Variants in CD48 observed in about 807,000 individuals in gnomAD.
CD48 encodes the protein CD48 molecule.
CD48 carries 20 observed loss-of-function variants against 22.0 expected under a neutral mutation model. That is an observed-to-expected ratio of 0.91 (90% confidence interval 0.64 to 1.32). CD48 has a LOEUF of 1.32. Ranked by LOEUF, CD48 falls within the 40% of genes most tolerant of loss-of-function variation. The pLI, the probability that CD48 is intolerant of heterozygous loss-of-function variation, is 0.00. For synonymous variants in CD48, 110 were observed against 110.1 expected, an observed-to-expected ratio of 1.00 and a Z score of 0.01; for missense variants, 307 against 286.5, an observed-to-expected ratio of 1.07 and a Z score of -0.52.
At chr1:160,705,182 G>T (rs1432862814) in intron 1 of CD48, among the ~76,000 whole-genome samples, 1 of 152,140 alleles carries the variant, frequency 6.6e-6, no homozygotes, top group South Asian at 2.1e-4. Flanking sequence ...TGTTCATTCA[G>T]CCTTCCAACC....
chr1:160,710,409 C>T (rs770976226), intron 1 of CD48, among the ~76,000 whole-genome samples: 7 of 152,114 alleles, frequency 4.6e-5, no homozygotes, highest in Non-Finnish European at 5.9e-5. Flanking sequence ...GGTGTTATAA[C>T]CCAGGTTTAC....
intron 1 of CD48, among the ~76,000 whole-genome samples, chr1:160,697,592 A>G (rs1284454391): frequency 6.6e-6 from 1 of 152,294 alleles, no homozygotes; most frequent in Non-Finnish European, 1.5e-5. Flanking sequence ...GGTAAGCGGG[A>G]TGTCACTCAG....
At chr1:160,706,602 T>C (rs1467660223) in intron 1 of CD48, among the ~76,000 whole-genome samples, 4 of 152,238 alleles carry the variant, frequency 2.6e-5, no homozygotes, top group African/African-American at 7.2e-5. Context: ...TTTAAAAAAC[T>C]ACTATTTTGA....
chr1:160,704,827 C>T (rs574005188), intron 1 of CD48, among the ~76,000 whole-genome samples: 50 of 151,660 alleles, frequency 3.3e-4, no homozygotes, highest in African/African-American at 1.1e-3. Flanking sequence ...TTATATAAGC[C>T]TCAGGTCATT....
At chr1:160,702,887 G>C (rs1662678903) in intron 1 of CD48, among the ~76,000 whole-genome samples, 1 of 152,162 alleles carries the variant, frequency 6.6e-6, no homozygotes, top group African/African-American at 2.4e-5. Context: ...ACATATAAAG[G>C]AGAATGCCTT....
rs1370451278 is a variant in CD48, at chr1:160,684,689, C to T, written c.385+198G>A. ...TAACTTCAGAAGAGGTGTTAAATGT[C>T]CTAAGATTGTTAATTTGGATATCTG... On this transcript the variant is annotated intron_variant, in intron 2 of 3. Coordinates refer to ENST00000368046, the MANE Select transcript of CD48 (RefSeq NM_001778.4). The T allele has an allele frequency of 4.1e-6, 6 of 1,474,310 alleles. No individual in the cohort carries two copies. In the South Asian group the frequency reaches 5.4e-5, roughly 13 times the overall value. 91.3% of individuals were successfully genotyped at this position (1,474,310 alleles called of 1,614,324 possible).
At chr1:160,706,073 T>TTA (rs969525942) in intron 1 of CD48, among the ~76,000 whole-genome samples, 8 of 151,814 alleles carry the variant, frequency 5.3e-5, no homozygotes, top group African/African-American at 1.7e-4. Context: ...GACAGATCAC[T>TTA]TATATATATA....
chr1:160,688,396 G>A (rs527906093), intron 1 of CD48, among the ~76,000 whole-genome samples: 1 of 152,142 alleles, frequency 6.6e-6, no homozygotes, highest in African/African-American at 2.4e-5. Flanking sequence ...TCTCAAACTC[G>A]AACCAACATT....
chr1:160,679,849 T>G (rs1558028933), intron 3 of CD48, among the ~76,000 whole-genome samples: 1 of 152,220 alleles, frequency 6.6e-6, no homozygotes, highest in Non-Finnish European at 1.5e-5. Context: ...TTCCTTTTTC[T>G]GGATCTCAGG....
At chr1:160,710,949 G>C (rs558926911) in intron 1 of CD48, among the ~76,000 whole-genome samples, 10 of 152,198 alleles carry the variant, frequency 6.6e-5, no homozygotes, top group Admixed American at 4.6e-4. Context: ...AAAGTCAAAG[G>C]TTTCACTGCT....
intron 1 of CD48, among the ~76,000 whole-genome samples, chr1:160,686,358 C>T (rs548083769): frequency 6.6e-6 from 1 of 151,962 alleles, no homozygotes; most frequent in Non-Finnish European, 1.5e-5. Context: ...TGACTCCTGA[C>T]AATAAACACA....
chr1:160,688,622 A>G (rs1479072427), intron 1 of CD48, among the ~76,000 whole-genome samples: 1 of 152,200 alleles, frequency 6.6e-6, no homozygotes, highest in African/African-American at 2.4e-5. Context: ...CAGTAGTGGG[A>G]ACAACAGTCA....
At position 160,695,838 on chromosome 1, in the gene CD48, A is replaced by G. The variant is rs180676357; in HGVS notation, c.83-10649T>C. Reference sequence around the variant, plus strand: ...CTCACAGTACAGTTAAGACTTTTACATTGTACTTGGATCAAATAGCTACTT... The same window carrying G: ...CTCACAGTACAGTTAAGACTTTTACGTTGTACTTGGATCAAATAGCTACTT... On this transcript the variant is annotated intron_variant, in intron 1 of 3. Transcript: ENST00000368046. 7.6e-3 allele frequency among the ~76,000 whole-genome samples: 1,150 copies of G among 152,266 alleles called. 8 individuals carry two copies. The highest frequency in any genetic ancestry group is 0.026 in the African/African-American group (1,096 of 41,538).
chr1:160,681,063 C>A (rs114879544), intron 3 of CD48, 139 bp downstream of exon 3: 33 of 1,518,016 alleles, frequency 2.2e-5, no homozygotes, highest in African/African-American at 2.8e-5. Context: ...GCAGAACCCA[C>A]GTCTCCCAGC....
chr1:160,684,935 T>C lies in CD48; in HGVS notation c.337A>G (p.Lys113Glu). Residue 113 changes from lysine to glutamate, a missense_variant, in exon 2 of 4, where the codon AAA (lysine) becomes GAA (glutamate). Transcript: ENST00000368046. ...CATTCTTGCTCATTCCCAGTCTTTT[T>C]CAACACCCTCATGATGTAGGTGCTG... The part of the protein sequence containing the change: ...DNSTYIMRVL[K>E]KTGNEQEWKI... 6.2e-7 allele frequency: 1 copy of C among 1,614,174 alleles called. No homozygotes were observed. The highest frequency in any genetic ancestry group is 8.5e-7 in the Non-Finnish European group (1 of 1,180,020).
In CD48 at chr1:160,684,897, C is replaced by A; in HGVS notation, c.375G>T (p.Leu125=). 6.2e-7 allele frequency: 1 copy of A among 1,614,136 alleles called. No homozygotes were observed. Among genetic ancestry groups the A allele is most frequent in the Non-Finnish European group, 8.5e-7 (1 of 1,180,020 alleles). The change falls in exon 2 of 4, where the codon CTG becomes CTT. Residue 125 remains leucine, a synonymous_variant. Transcript: ENST00000368046. ...TGNEQEWKIK[L]QVLDPVPKPV... is the part of the protein sequence containing the mutation. Reference sequence around the variant, plus strand: ...GCTCCCCTGACTCACCAAGCACTTGCAGCTTGATCTTCCATTCTTGCTCAT... The same window carrying A: ...GCTCCCCTGACTCACCAAGCACTTGAAGCTTGATCTTCCATTCTTGCTCAT...
chr1:160,683,668 G>A (rs939434221), intron 2 of CD48: 1 of 152,108 alleles, frequency 6.6e-6, no homozygotes, highest in Non-Finnish European at 1.5e-5. Flanking sequence ...GCTTGGATCA[G>A]GGACTGTCTG....
chr1:160,690,009 T>G (rs1342925667), intron 1 of CD48, among the ~76,000 whole-genome samples: 1 of 152,190 alleles, frequency 6.6e-6, no homozygotes, highest in Non-Finnish European at 1.5e-5. Flanking sequence ...CAAATGTAAT[T>G]GGGAGTGTGG....
At position 160,678,883 on chromosome 1, in the gene CD48, T is replaced by C. The variant is rs1661703098; in HGVS notation, c.*169A>G. On this transcript the variant is annotated 3_prime_UTR_variant, in exon 4 of 4. Coordinates refer to ENST00000368046, the MANE Select transcript of CD48 (RefSeq NM_001778.4). ...TGTACTAGAAAACAACAAAGGGATATAAAATTAAATAATAACCAGTATTTA... is the reference window on the plus strand; with the variant it reads ...TGTACTAGAAAACAACAAAGGGATACAAAATTAAATAATAACCAGTATTTA... 6.8e-6 allele frequency: 4 copies of C among 584,570 alleles called. No homozygotes were observed. Among genetic ancestry groups the C allele is most frequent in the African/African-American group, 1.9e-5 (1 of 53,750 alleles). The allele number at this position is 584,570 out of a possible 1,614,324, so 36.2% of individuals were successfully genotyped here.
Sources: allele counts gnomAD v4.1 joint callset (sites outside exome capture counted in the v4.1 genomes callset), GRCh38; gene constraint gnomAD v4.1.1; transcripts MANE v1.5; gene names NCBI Gene and HGNC (gene_info 2026-07-23, HGNC 2026-07-21).